DNAJC9: variants seen among roughly 807,000 people sequenced by gnomAD.
DNAJC9 encodes the protein dnaJ homolog subfamily C member 9.
DNAJC9 carries 18 observed loss-of-function variants against 32.4 expected under a neutral mutation model. The observed-to-expected ratio is 0.56, with a 90% CI of 0.38 to 0.82. The LOEUF is 0.82. Ranked by LOEUF, DNAJC9 falls within the 40% of genes least tolerant of loss-of-function variation. The probability of loss-of-function intolerance (pLI) is 0.00; values close to 1 mark genes in which losing one functional copy is unlikely to be tolerated. For missense variants in DNAJC9, 310 were observed against 321.8 expected (o/e 0.96, Z 0.28); for synonymous variants, 113 against 122.1 (o/e 0.93, Z 0.49).
At chr10:73,246,896 G>C (rs868737896) in intron 1 of DNAJC9, 68 bp from the exon 2 acceptor site, 1 of 1,607,310 alleles carries the variant, frequency 6.2e-7, no homozygotes, top group East Asian at 2.2e-5. Context: ...GAGAAATAAA[G>C]ATCAGAAGGC....
In DNAJC9 at chr10:73,243,210, G is replaced by T; in HGVS notation, c.*190C>A. 1.6e-6 allele frequency: 1 copy of T among 606,790 alleles called. No homozygotes were observed. Among genetic ancestry groups the T allele is most frequent in the Non-Finnish European group, 2.8e-6 (1 of 354,556 alleles). The allele number at this position is 606,790 out of a possible 1,614,324, so 37.6% of individuals were successfully genotyped here. A position where few individuals can be genotyped will look rare whatever the true frequency, so the allele number is the denominator to read the frequency against. ...TCCTTCAGGTGAGACCTCACACAAT[G>T]TCAAGTGCTTTCTAGGAAATACTAA... On this transcript the variant is annotated 3_prime_UTR_variant, in exon 5 of 5. Coordinates refer to ENST00000372950, the MANE Select transcript of DNAJC9 (RefSeq NM_015190.5).
chr10:73,234,455 C>T (rs1482576507), downstream of DNAJC9: 2 of 205,922 alleles, frequency 9.7e-6, no homozygotes, highest in Non-Finnish European at 1.0e-5. Context: ...TTAGGGAAAA[C>T]GATAACCAGA....
chr10:73,236,690 G>A (rs1424039837), downstream of DNAJC9, among the ~76,000 whole-genome samples: 2 of 150,758 alleles, frequency 1.3e-5, no homozygotes, highest in African/African-American at 4.9e-5. Context: ...GTGATTATAG[G>A]TGTGAGCCAC....
At chr10:73,244,162 G>A (rs2043982547) in intron 3 of DNAJC9, 1 of 526,202 alleles carries the variant, frequency 1.9e-6, no homozygotes, top group Non-Finnish European at 3.4e-6. Context: ...TTTGCTAGAG[G>A]TAGTAAGTAC....
chr10:73,234,753 A>G (rs1169936044), downstream of DNAJC9: 2 of 1,512,476 alleles, frequency 1.3e-6, no homozygotes, highest in African/African-American at 2.8e-5. Flanking sequence ...ATTTCTAATC[A>G]ATTTGCTGGT....
At position 73,244,020 on chromosome 10, in the gene DNAJC9, A is replaced by G. The variant is rs2043981264; in HGVS notation, c.577-91T>C. The G allele has an allele frequency of 7.9e-6, 8 of 1,018,552 alleles. 1 individual carries two copies. The South Asian group carries it at 1.0e-4, about 13-fold the overall frequency. 63.1% of individuals were successfully genotyped at this position (1,018,552 alleles called of 1,614,324 possible). ...AAAAGCAAATCTATAATTCTGTTTC[A>G]ATTTTATGAATATATGAATAGACAA... is the stretch of plus-strand genomic sequence containing the variant. On this transcript the variant is annotated intron_variant, in intron 3 of 4. Coordinates refer to ENST00000372950, the MANE Select transcript of DNAJC9 (RefSeq NM_015190.5).
At chr10:73,246,657 C>CAGT in intron 2 of DNAJC9, 31 bp downstream of exon 2, 1 of 1,611,620 alleles carries the variant, frequency 6.2e-7, no homozygotes, top group Non-Finnish European at 8.5e-7. Flanking sequence ...ATGATGGTAA[C>CAGT]AGTCACAAAG....
downstream of DNAJC9, among the ~76,000 whole-genome samples, chr10:73,236,580 A>G (rs562778743): frequency 1.3e-4 from 20 of 151,564 alleles, no homozygotes; most frequent in Non-Finnish European, 2.7e-4. Context: ...CGCCCAGCTA[A>G]TTTTTGTAAT....
downstream of DNAJC9, chr10:73,234,796 G>GT (rs1454654279): frequency 1.8e-5 from 28 of 1,550,502 alleles, 1 homozygote; most frequent in South Asian, 1.2e-5. Flanking sequence ...ATACCTTCGT[G>GT]TTTGTTGGTG....
intron 4 of DNAJC9, 80 bp downstream of exon 4, chr10:73,243,763 A>G: frequency 2.2e-6 from 3 of 1,370,392 alleles, no homozygotes; most frequent in Non-Finnish European, 2.0e-6. Context: ...AAAGAAGAAA[A>G]CAAAATACAA....
intron 3 of DNAJC9, among the ~76,000 whole-genome samples, chr10:73,245,461 AAAAG>A (rs989313177): frequency 3.3e-5 from 5 of 152,000 alleles, no homozygotes; most frequent in South Asian, 2.1e-4. Flanking sequence ...AAAAAAAAAA[AAAAG>A]AAAAGAAAAA....
At position 73,245,966 on chromosome 10, in the gene DNAJC9, AGGCATTATAGGATG is replaced by A; in HGVS notation, c.518_531del (p.Pro173LeufsTer33). On this transcript the variant is annotated frameshift_variant, in exon 3 of 5. Transcript: ENST00000372950. LOFTEE classifies it high-confidence loss of function. The stretch of plus-strand genomic sequence containing the variant: ...ATCTTTTGTTTCGATTCTTTGACAA[AGGCATTATAGGATG>A]GGACCTCTCCGGCGTCAATAGCTTG... 6.2e-7 allele frequency: 1 copy of A among 1,612,120 alleles called. No individual in the cohort carries two copies. The highest frequency in any genetic ancestry group is 8.5e-7 in the Non-Finnish European group (1 of 1,179,442).
chr10:73,236,772 G>C (rs1306919851), downstream of DNAJC9, among the ~76,000 whole-genome samples: 4 of 149,852 alleles, frequency 2.7e-5, no homozygotes, highest in Non-Finnish European at 5.9e-5. Flanking sequence ...GCCCAGGCTG[G>C]AGTGCAGAGC....
chr10:73,232,285 T>C (rs2043724577), intron 2 of DNAJC9, among the ~76,000 whole-genome samples: 1 of 152,220 alleles, frequency 6.6e-6, no homozygotes, highest in African/African-American at 2.4e-5. Flanking sequence ...AGGTGTGGTA[T>C]TATTTTATTT....
downstream of DNAJC9, among the ~76,000 whole-genome samples, chr10:73,239,964 G>T (rs2043904743): frequency 3.3e-5 from 5 of 152,172 alleles, no homozygotes; most frequent in Non-Finnish European, 7.4e-5. Flanking sequence ...TCACTCTGCT[G>T]ATCAGGCCAG....
At chr10:73,238,256 A>C (rs2043867089), downstream of DNAJC9, among the ~76,000 whole-genome samples, 1 of 152,150 alleles carries the variant, frequency 6.6e-6, no homozygotes, top group Non-Finnish European at 1.5e-5. Context: ...CTAAGGCAGG[A>C]GAATTGCTTG....
chr10:73,245,476 T>C (rs2133428341), intron 3 of DNAJC9, among the ~76,000 whole-genome samples: 1 of 149,958 alleles, frequency 6.7e-6, no homozygotes, highest in East Asian at 2.0e-4. Context: ...AAAAGAAAAA[T>C]TCTGTATCCA....
chr10:73,233,115 G>T (rs764971459), intron 2 of DNAJC9: 82 of 1,551,678 alleles, frequency 5.3e-5, no homozygotes, highest in Non-Finnish European at 6.8e-5. Context: ...AGCCATTCAT[G>T]TGCTGAAACA....
downstream of DNAJC9, chr10:73,239,289 G>A (rs1173729808): frequency 6.5e-7 from 1 of 1,542,890 alleles, no homozygotes; most frequent in Non-Finnish European, 8.8e-7. Context: ...ATCATAAGAA[G>A]TGTCTCCTCT....
Sources: allele counts gnomAD v4.1 joint callset (sites outside exome capture counted in the v4.1 genomes callset), GRCh38; gene constraint gnomAD v4.1.1; transcripts MANE v1.5; gene names NCBI Gene and HGNC (gene_info 2026-07-23, HGNC 2026-07-21).